Variants in SV2C observed in about 807,000 individuals in gnomAD.
SV2C encodes synaptic vesicle glycoprotein 2C.
SV2C carries 49 observed loss-of-function variants against 79.7 expected under a neutral mutation model. The ratio of observed to expected loss-of-function variants is 0.61; its 90% CI spans 0.49 to 0.78. SV2C has a LOEUF of 0.78. Ranked by LOEUF, SV2C falls within the 30% of genes least tolerant of loss-of-function variation. The probability of loss-of-function intolerance (pLI) is 0.00; values close to 1 mark genes in which losing one functional copy is unlikely to be tolerated. For missense variants in SV2C, 833 were observed against 912.9 expected (o/e 0.91, Z 1.13); for synonymous variants, 334 against 333.2 (o/e 1.00, Z -0.03).
At chr5:76,193,337 A>T (rs116098186) in intron 2 of SV2C, among the ~76,000 whole-genome samples, 5,815 of 152,204 alleles carry the variant, frequency 0.038, 131 homozygotes, top group South Asian at 0.067. Context: ...AAAGCAGTGG[A>T]TGGTGATAGT....
At chr5:76,136,736 C>T (rs1250793667) in intron 2 of SV2C, among the ~76,000 whole-genome samples, 5 of 152,034 alleles carry the variant, frequency 3.3e-5, no homozygotes, top group Admixed American at 6.5e-5. Context: ...AAAATATAAA[C>T]AGGGTTTTGA....
intron 12 of SV2C, among the ~76,000 whole-genome samples, chr5:76,324,523 G>T (rs193159690): frequency 6.6e-6 from 1 of 152,148 alleles, no homozygotes; most frequent in East Asian, 1.9e-4. Flanking sequence ...GAAGAGTTTG[G>T]ATAGAGGAGG....
the SV2C span, among the ~76,000 whole-genome samples, chr5:75,952,581 C>G: frequency 6.6e-6 from 1 of 151,780 alleles, no homozygotes. Flanking sequence ...TGAGTGGGTT[C>G]TCACTCAGTT....
chr5:76,285,581 A>T, intron 5 of SV2C, 200 bp from the exon 6 acceptor site: 1 of 605,098 alleles, frequency 1.7e-6, no homozygotes, highest in Non-Finnish European at 2.9e-6. Flanking sequence ...TGGAGATACT[A>T]TTTCTAGTTA....
Position 76,329,782 on chromosome 5 carries a change from T to C in SV2C, c.*4235T>C, listed in dbSNP as rs1749119570. ...TTCAGTAATATACCTGATCTGTTCA[T>C]GCACTAAAGGCTCTGGAGCCAGGAA... On this transcript the variant is annotated 3_prime_UTR_variant, in exon 13 of 13. Transcript: ENST00000502798. The C allele has an allele frequency of 6.6e-6, 1 of 152,246 alleles. No homozygotes were observed. The highest frequency in any genetic ancestry group is 1.5e-5 in the Non-Finnish European group (1 of 68,040). The allele number at this position is 152,246 out of a possible 1,614,324, so 9.4% of individuals were successfully genotyped here.
chr5:75,986,976 T>C, the SV2C span, among the ~76,000 whole-genome samples: 1 of 151,928 alleles, frequency 6.6e-6, no homozygotes, highest in East Asian at 1.9e-4. Flanking sequence ...GCAATGCTTT[T>C]AAAAGATAGG....
the SV2C span, among the ~76,000 whole-genome samples, chr5:76,032,727 G>T: frequency 5.3e-4 from 81 of 152,220 alleles, no homozygotes; most frequent in Middle Eastern, 3.4e-3. Context: ...TGTGTCTTTA[G>T]AGCAGCATGA....
chr5:75,940,386 C>CA, the SV2C span, among the ~76,000 whole-genome samples: 34,138 of 145,322 alleles, frequency 0.23, 4,106 homozygotes, highest in African/African-American at 0.32. Context: ...GACTCTGTCT[C>CA]AAAAAAAAAA....
intron 4 of SV2C, among the ~76,000 whole-genome samples, chr5:76,212,449 TTC>T (rs959709096): frequency 2.6e-5 from 4 of 151,814 alleles, no homozygotes; most frequent in Admixed American, 6.6e-5. Context: ...GTGCTTTTTT[TTC>T]TCTCTCTCTC....
intron 12 of SV2C, among the ~76,000 whole-genome samples, chr5:76,340,999 C>T (rs941057752): frequency 6.7e-6 from 1 of 148,556 alleles, no homozygotes; most frequent in Non-Finnish European, 1.5e-5. Flanking sequence ...AGTGCAATCT[C>T]GGCTCACTGC....
At chr5:75,953,501 A>G in the SV2C span, among the ~76,000 whole-genome samples, 3 of 152,016 alleles carry the variant, frequency 2.0e-5, no homozygotes, top group Admixed American at 1.3e-4. Context: ...GATCCCACAA[A>G]TTTATAATAA....
intron 3 of SV2C, among the ~76,000 whole-genome samples, chr5:76,209,342 C>T (rs1351853952): frequency 6.6e-6 from 1 of 152,136 alleles, no homozygotes; most frequent in Non-Finnish European, 1.5e-5. Flanking sequence ...GGACATGGCA[C>T]AGCATCAGTT....
At chr5:75,852,837 AAAAAAAG>A in the SV2C span, among the ~76,000 whole-genome samples, 1 of 145,686 alleles carries the variant, frequency 6.9e-6, no homozygotes, top group Non-Finnish European at 1.5e-5. Flanking sequence ...AAAAAAAAAA[AAAAAAAG>A]AAAAAAGAAA....
intron 2 of SV2C, among the ~76,000 whole-genome samples, chr5:76,167,887 A>G (rs1329627736): frequency 6.6e-6 from 1 of 152,194 alleles, no homozygotes; most frequent in African/African-American, 2.4e-5. Flanking sequence ...TCCTAAAATG[A>G]TACAGGAAAG....
the SV2C span, among the ~76,000 whole-genome samples, chr5:75,927,974 A>G: frequency 1.3e-5 from 2 of 152,206 alleles, no homozygotes; most frequent in Non-Finnish European, 2.9e-5. Flanking sequence ...GAAGAGTGTA[A>G]CTTTCATCGA....
rs887836676 is a variant in SV2C at position 76,328,316 on chromosome 5, C to T, written c.*2769C>T. 6.6e-6 allele frequency: 1 copy of T among 152,160 alleles called. No individual in the cohort carries two copies. The highest frequency in any genetic ancestry group is 1.5e-5 in the Non-Finnish European group (1 of 68,024). The allele number at this position is 152,160 out of a possible 1,614,324, so 9.4% of individuals were successfully genotyped here. A position where few individuals can be genotyped will look rare whatever the true frequency, so the allele number is the denominator to read the frequency against. ...AAACCTAGGAAATAGTCCACTTGCT[C>T]CTATATTTTTACCACCTTTTCTAAC... is the stretch of plus-strand genomic sequence containing the variant. On this transcript the variant is annotated 3_prime_UTR_variant, in exon 13 of 13. Transcript: ENST00000502798.
At position 76,165,322 on chromosome 5, in the gene SV2C, G is replaced by A. The variant is rs139353606; in HGVS notation, c.581-29597G>A. Reference sequence around the variant, plus strand: ...ATTAACTCAAATACAGACTTTATTTGGATTTCACCATTTTTTTTTACATCC... The same window carrying A: ...ATTAACTCAAATACAGACTTTATTTAGATTTCACCATTTTTTTTTACATCC... On this transcript the variant is annotated intron_variant, in intron 2 of 12. Transcript: ENST00000502798. 7.2e-5 allele frequency among the ~76,000 whole-genome samples: 11 copies of A among 152,232 alleles called. 1 individual carries two copies. The East Asian group carries it at 2.1e-3, about 29-fold the overall frequency.
intron 12 of SV2C, among the ~76,000 whole-genome samples, chr5:76,349,285 G>T (rs566511544): frequency 1.3e-5 from 2 of 152,334 alleles, no homozygotes; most frequent in African/African-American, 4.8e-5. Flanking sequence ...GCCAAGGCAG[G>T]GGGATCACGT....
the SV2C span, among the ~76,000 whole-genome samples, chr5:76,076,283 A>T: frequency 1.3e-5 from 2 of 152,258 alleles, no homozygotes; most frequent in African/African-American, 4.8e-5. Flanking sequence ...GGCAACCAGC[A>T]GAGTTGGATA....
Sources: allele counts gnomAD v4.1 joint callset (sites outside exome capture counted in the v4.1 genomes callset), GRCh38; gene constraint gnomAD v4.1.1; transcripts MANE v1.5; gene names NCBI Gene and HGNC (gene_info 2026-07-23, HGNC 2026-07-21).